The following GGH variants were observed in gnomAD, a reference collection of about 807,000 sequenced individuals.
GGH encodes gamma-Glu-X carboxypeptidase.
GGH carries 18 observed loss-of-function variants against 39.2 expected under a neutral mutation model. The observed-to-expected ratio is 0.46, with a 90% CI of 0.32 to 0.68. GGH has a LOEUF of 0.68. GGH is among the 30% of genes least tolerant of loss of function. The pLI, the probability that GGH is intolerant of heterozygous loss-of-function variation, is 0.04. For synonymous variants in GGH, 147 were observed against 138.8 expected, an observed-to-expected ratio of 1.06 and a Z score of -0.42; for missense variants, 367 against 384.1, an observed-to-expected ratio of 0.96 and a Z score of 0.37.
intron 1 of GGH, 53 bp downstream of exon 1, chr8:63,038,607 G>A (rs796447883): frequency 3.7e-5 from 28 of 752,884 alleles, no homozygotes; most frequent in South Asian, 9.6e-5. Context: ...GAGGCGCCCA[G>A]CGCCAACACC....
At chr8:63,026,657 TCA>T (rs1804688202) in intron 4 of GGH, among the ~76,000 whole-genome samples, 1 of 152,180 alleles carries the variant, frequency 6.6e-6, no homozygotes, top group Non-Finnish European at 1.5e-5. Flanking sequence ...AATTTAAAAA[TCA>T]CTGTTAATAG....
intron 3 of GGH, among the ~76,000 whole-genome samples, chr8:63,029,603 C>T (rs144438706): frequency 4.9e-4 from 74 of 152,098 alleles, no homozygotes; most frequent in African/African-American, 1.7e-3. Context: ...TGCAATATTA[C>T]CCCAAAAAAG....
At chr8:63,031,227 G>A (rs1433649908) in intron 2 of GGH, among the ~76,000 whole-genome samples, 1 of 152,138 alleles carries the variant, frequency 6.6e-6, no homozygotes, top group Non-Finnish European at 1.5e-5. Context: ...TGTTTTGCCA[G>A]CAAACAACTC....
intron 1 of GGH, among the ~76,000 whole-genome samples, chr8:63,037,331 A>ATT (rs1804929099): frequency 6.6e-6 from 1 of 152,160 alleles, no homozygotes; most frequent in Non-Finnish European, 1.5e-5. Flanking sequence ...GAGGTACCAC[A>ATT]AAGGAGACAT....
chr8:63,026,929 A>G, intron 4 of GGH: 1 of 473,200 alleles, frequency 2.1e-6, no homozygotes, highest in Non-Finnish European at 3.7e-6. Context: ...CTACATGAGG[A>G]CACGGTTCAC....
At chr8:63,022,078 C>T (rs1804597359) in intron 7 of GGH, among the ~76,000 whole-genome samples, 1 of 151,888 alleles carries the variant, frequency 6.6e-6, no homozygotes, top group Admixed American at 6.6e-5. Context: ...ACAAATACCT[C>T]CCTTTTTTCT....
chr8:63,032,810 G>A (rs907046319), intron 2 of GGH, among the ~76,000 whole-genome samples: 1 of 152,170 alleles, frequency 6.6e-6, no homozygotes, highest in Non-Finnish European at 1.5e-5. Flanking sequence ...GCTGACAGTC[G>A]TGTTCTCAGC....
chr8:63,015,291 TG>T lies in GGH; in HGVS notation c.*40del, dbSNP rs750801712. The T allele has an allele frequency of 9.4e-7, 1 of 1,064,172 alleles. No homozygotes were observed. The highest frequency in any genetic ancestry group is 1.4e-6 in the Non-Finnish European group (1 of 717,582). The allele number at this position is 1,064,172 out of a possible 1,614,324, so 65.9% of individuals were successfully genotyped here. A position where few individuals can be genotyped will look rare whatever the true frequency, so the allele number is the denominator to read the frequency against. On this transcript the variant is annotated 3_prime_UTR_variant, in exon 9 of 9. Transcript: ENST00000260118. ...GCAAGTTATTCTAACAGTTTAATCA[TG>T]GAATTATTCAAATTTGCTCTGTTAA...
intron 2 of GGH, among the ~76,000 whole-genome samples, chr8:63,031,587 A>G (rs1331761116): frequency 6.6e-6 from 1 of 152,224 alleles, no homozygotes; most frequent in African/African-American, 2.4e-5. Context: ...CTGCACTCCA[A>G]GGATTCCTGC....
intron 2 of GGH, among the ~76,000 whole-genome samples, chr8:63,030,791 T>C (rs993054478): frequency 6.6e-6 from 1 of 151,754 alleles, no homozygotes; most frequent in Admixed American, 6.6e-5. Flanking sequence ...ACAGCCTAAC[T>C]GCCCAGGTAA....
At chr8:63,018,751 C>T (rs1053421140) in intron 7 of GGH, among the ~76,000 whole-genome samples, 1 of 152,068 alleles carries the variant, frequency 6.6e-6, no homozygotes, top group African/African-American at 2.4e-5. Context: ...GAAAGGCAGA[C>T]CTTCTAGTAT....
At chr8:63,020,511 C>G (rs1804566964) in intron 7 of GGH, among the ~76,000 whole-genome samples, 1 of 152,088 alleles carries the variant, frequency 6.6e-6, no homozygotes, top group African/African-American at 2.4e-5. Flanking sequence ...GAAACGTTCC[C>G]ACACAGCACA....
chr8:63,031,866 G>A (rs959706894), intron 2 of GGH, among the ~76,000 whole-genome samples: 9 of 152,162 alleles, frequency 5.9e-5, no homozygotes, highest in South Asian at 4.1e-4. Context: ...TAACTGTAAC[G>A]AAATGGCTTA....
intron 1 of GGH, among the ~76,000 whole-genome samples, chr8:63,036,141 G>A (rs575811804): frequency 6.6e-6 from 1 of 152,240 alleles, no homozygotes; most frequent in Admixed American, 6.5e-5. Context: ...TGACAACGAA[G>A]CAAAGGAGTG....
intron 7 of GGH, chr8:63,017,907 C>T: frequency 3.5e-6 from 1 of 286,982 alleles, no homozygotes; most frequent in South Asian, 9.4e-5. Context: ...AGGAATCTAT[C>T]CCTGTCCAAA....
intron 8 of GGH, among the ~76,000 whole-genome samples, chr8:63,016,460 A>T (rs567188295): frequency 2.0e-5 from 3 of 152,294 alleles, no homozygotes; most frequent in South Asian, 4.1e-4. Flanking sequence ...GCAAGCTTGG[A>T]GATGGAATGA....
chr8:63,034,768 T>C (rs1804871194), intron 2 of GGH, among the ~76,000 whole-genome samples: 1 of 152,180 alleles, frequency 6.6e-6, no homozygotes, highest in Non-Finnish European at 1.5e-5. Context: ...ACTTTTAAAG[T>C]AGAGTGTGAA....
At chr8:63,027,693 C>G (rs1165518729) in intron 3 of GGH, among the ~76,000 whole-genome samples, 1 of 152,032 alleles carries the variant, frequency 6.6e-6, no homozygotes, top group Non-Finnish European at 1.5e-5. Flanking sequence ...AATAATTTAA[C>G]TATAAAGAAC....
intron 2 of GGH, among the ~76,000 whole-genome samples, chr8:63,030,423 A>G (rs1210609138): frequency 2.0e-5 from 3 of 152,218 alleles, no homozygotes; most frequent in Non-Finnish European, 4.4e-5. Context: ...AGACAAGTAA[A>G]TATGTTTTTC....
Sources: allele counts gnomAD v4.1 joint callset (sites outside exome capture counted in the v4.1 genomes callset), GRCh38; gene constraint gnomAD v4.1.1; transcripts MANE v1.5; gene names NCBI Gene and HGNC (gene_info 2026-07-23, HGNC 2026-07-21).